The following TYK2 variants were observed in gnomAD, a reference collection of about 807,000 sequenced individuals.
TYK2 encodes the protein non-receptor tyrosine-protein kinase TYK2.
TYK2 carries 65 observed loss-of-function variants against 130.9 expected under a neutral mutation model. That is an observed-to-expected ratio of 0.50 (90% CI 0.41 to 0.61). The LOEUF (loss-of-function observed/expected upper bound fraction) is 0.61. Ranked by LOEUF, TYK2 falls within the 20% of genes least tolerant of loss-of-function variation. The pLI, the probability that TYK2 is intolerant of heterozygous loss-of-function variation, is 0.00. For missense variants in TYK2, 1,378 were observed against 1,610.7 expected (o/e 0.86, Z 2.47); for synonymous variants, 647 against 658.9 (o/e 0.98, Z 0.28).
chr19:10,354,373 C>T, intron 19 of TYK2, 139 bp from the exon 20 acceptor site: 1 of 1,328,750 alleles, frequency 7.5e-7, no homozygotes, highest in South Asian at 1.2e-5. Context: ...TATTAAGACT[C>T]CTTGGCACCT....
intron 3 of TYK2, among the ~76,000 whole-genome samples, chr19:10,377,169 T>A (rs891284341): frequency 6.6e-6 from 1 of 152,190 alleles, no homozygotes; most frequent in African/African-American, 2.4e-5. Context: ...CCTCCTCAAG[T>A]ACTGGGATTA....
rs139811127 is a variant in TYK2, at chr19:10,366,401, C to T, written c.629+16G>A. ...TCCCCCTGCCTACACAGCGTCCCCA[C>T]CCCATTCCCAGACACCTGGTCTTCT... On this transcript the variant is annotated intron_variant, in intron 6 of 24. Coordinates refer to ENST00000525621, the MANE Select transcript of TYK2 (RefSeq NM_003331.5). 9.9e-6 allele frequency: 16 copies of T among 1,611,482 alleles called. No individual in the cohort carries two copies. Among genetic ancestry groups the T allele is most frequent in the Non-Finnish European group, 1.2e-5 (14 of 1,177,904 alleles).
Position 10,365,700 on chromosome 19 carries a change from G to A in TYK2, c.828C>T (p.Pro276=), listed in dbSNP as rs1359328653. ...LAPRFGTERV[P]VCHLRLLAQA... is the part of the protein sequence containing the mutation. Reference sequence around the variant, plus strand: ...GGGCCAGCAGCCTCAGGTGGCACACGGGCACACGCTCTGTGCCGAAGCGGG... The same window carrying A: ...GGGCCAGCAGCCTCAGGTGGCACACAGGCACACGCTCTGTGCCGAAGCGGG... The change falls in exon 7 of 25, where the codon CCC becomes CCT. Residue 276 remains proline (P), a synonymous_variant. Coordinates refer to ENST00000525621, the MANE Select transcript of TYK2 (RefSeq NM_003331.5). The A allele has an allele frequency of 1.5e-5, 25 of 1,613,022 alleles. No homozygotes were observed. The highest frequency in any genetic ancestry group is 9.3e-5 in the African/African-American group (7 of 74,932).
intron 3 of TYK2, chr19:10,369,644 C>T (rs942864819): frequency 2.5e-5 from 11 of 433,740 alleles, no homozygotes; most frequent in Middle Eastern, 7.4e-4. Flanking sequence ...GGGCTCCATC[C>T]ACCACCTTCA....
intron 3 of TYK2, chr19:10,368,657 T>C: frequency 1.9e-6 from 1 of 521,150 alleles, no homozygotes. Context: ...ATTGCACTGC[T>C]GGTTTCTGGC....
chr19:10,353,125 T>G lies in TYK2; in HGVS notation c.3028-27A>C. The G allele has an allele frequency of 6.8e-7, 1 of 1,471,546 alleles. No homozygotes were observed. The highest frequency in any genetic ancestry group is 9.0e-7 in the Non-Finnish European group (1 of 1,107,276). 91.2% of individuals were successfully genotyped at this position (1,471,546 alleles called of 1,614,324 possible). A position where few individuals can be genotyped will look rare whatever the true frequency, so the allele number is the denominator to read the frequency against. On this transcript the variant is annotated intron_variant, in intron 21 of 24. Transcript: ENST00000525621. This position sits in a 1 kb window ranked among gnomAD's most constrained non-coding sequence, Gnocchi z 6.9. ...TGGGGACGGGGCAGGGCTCGTGAGT[T>G]TCAGTGGGGCGGGGTTCGGCCGGGG...
Position 10,353,493 on chromosome 19 carries a change from G to T in TYK2, c.3027+35C>A. On this transcript the variant is annotated intron_variant, in intron 21 of 24. Coordinates refer to ENST00000525621, the MANE Select transcript of TYK2 (RefSeq NM_003331.5). The surrounding 1 kb of genome is among the most constrained non-coding windows in gnomAD (Gnocchi z 6.9). ...GGCCAGCCCAAGCTGAAGAGGAAGG[G>T]GCAAGCTCCAGAAGCAGGGGCGGGG... is the stretch of plus-strand genomic sequence containing the variant. The T allele has an allele frequency of 7.0e-7, 1 of 1,433,716 alleles. No individual in the cohort carries two copies. Among genetic ancestry groups the T allele is most frequent in the Non-Finnish European group, 9.3e-7 (1 of 1,072,746 alleles). The allele number at this position is 1,433,716 out of a possible 1,614,324, so 88.8% of individuals were successfully genotyped here. A position where few individuals can be genotyped will look rare whatever the true frequency, so the allele number is the denominator to read the frequency against.
At chr19:10,367,263 C>T (rs1254983752) in intron 5 of TYK2, among the ~76,000 whole-genome samples, 2 of 152,068 alleles carry the variant, frequency 1.3e-5, no homozygotes, top group Non-Finnish European at 2.9e-5. Flanking sequence ...ACAGCATACA[C>T]CCCTCCTCTT....
At chr19:10,379,192 G>A (rs1044907983) in intron 2 of TYK2, among the ~76,000 whole-genome samples, 2 of 151,848 alleles carry the variant, frequency 1.3e-5, no homozygotes, top group Non-Finnish European at 2.9e-5. Context: ...AGCCAGGCGT[G>A]GGGGTGCACA....
intron 17 of TYK2, chr19:10,357,384 C>T (rs954327173): frequency 7.9e-6 from 5 of 633,080 alleles, no homozygotes; most frequent in African/African-American, 3.6e-5. Context: ...AGTGGAACTT[C>T]GTCTCAAAAT....
In TYK2 at chr19:10,356,579, A is replaced by T; in HGVS notation, c.2606T>A (p.Leu869Gln). The change falls in exon 18 of 25, where the codon CTG becomes CAG. Residue 869 changes from leucine (L) to glutamine (Q), a missense_variant. Physicochemically the swap from Leu to Gln is moderately radical, Grantham distance 113 (BLOSUM62 -2). Coordinates refer to ENST00000525621, the MANE Select transcript of TYK2 (RefSeq NM_003331.5). ...FRTILRDLTRLQPHNLADVLT... is the reference protein window; with the variant it reads ...FRTILRDLTRQQPHNLADVLT... ...GGGATGGAGCTCACTGTGGGGCTGC[A>T]GCCGGGTGAGGTCACGCAGGATGGT... 1 of 1,613,314 alleles carries T rather than the reference A, an allele frequency of 6.2e-7. No homozygotes were observed. The highest frequency in any genetic ancestry group is 8.5e-7 in the Non-Finnish European group (1 of 1,179,986).
chr19:10,359,705 C>G (rs981538912), intron 14 of TYK2, among the ~76,000 whole-genome samples: 1 of 151,532 alleles, frequency 6.6e-6, no homozygotes, highest in Non-Finnish European at 1.5e-5. Flanking sequence ...TACAGCCGGG[C>G]GCGGTGGCTC....
rs753449931 is a variant in TYK2, at chr19:10,365,684, G to C, written c.844C>G (p.Leu282Val). Residue 282 changes from leucine to valine, a missense_variant, in exon 7 of 25, where the codon CTG (leucine) becomes GTG (valine). Coordinates refer to ENST00000525621, the MANE Select transcript of TYK2 (RefSeq NM_003331.5). ...GGCTCCCCCTCGGCCTGGGCCAGCAGCCTCAGGTGGCACACGGGCACACGC... is the reference window on the plus strand; with the variant it reads ...GGCTCCCCCTCGGCCTGGGCCAGCACCCTCAGGTGGCACACGGGCACACGC... ...TERVPVCHLR[L>V]LAQAEGEPCY... The C allele has an allele frequency of 6.2e-7, 1 of 1,613,224 alleles. No individual in the cohort carries two copies. Among genetic ancestry groups the C allele is most frequent in the Admixed American group, 1.7e-5 (1 of 59,966 alleles).
intron 2 of TYK2, among the ~76,000 whole-genome samples, chr19:10,378,840 ATCT>A: frequency 3.1e-5 from 1 of 32,446 alleles, no homozygotes; most frequent in East Asian, 9.8e-4. Flanking sequence ...TTTATATCTT[ATCT>A]TATCTTATCT....
At chr19:10,368,560 G>A (rs1323228714) in intron 3 of TYK2, 142 bp from the exon 4 acceptor site, 2 of 1,252,420 alleles carry the variant, frequency 1.6e-6, no homozygotes, top group African/African-American at 1.5e-5. Context: ...GTTGCCCCTG[G>A]GCAGAGGACA....
intron 3 of TYK2, chr19:10,368,765 T>G (rs1165597128): frequency 2.9e-6 from 1 of 346,116 alleles, no homozygotes; most frequent in Non-Finnish European, 5.6e-6. Flanking sequence ...ATGGTGAAGC[T>G]GTAAGACAGA....
Position 10,356,555 on chromosome 19 carries a change from G to A in TYK2, c.2617+13C>T, listed in dbSNP as rs770667639. 5.6e-6 allele frequency: 9 copies of A among 1,612,404 alleles called. No homozygotes were observed. The Admixed American group carries it at 1.0e-4, about 18-fold the overall frequency. ...CCACTTCCCCAGGGTCCCAGCACTG[G>A]GATGGAGCTCACTGTGGGGCTGCAG... On this transcript the variant is annotated intron_variant, in intron 18 of 24. Transcript: ENST00000525621.
At chr19:10,362,746 G>A in intron 9 of TYK2, 89 bp from the exon 10 acceptor site, 1 of 1,117,622 alleles carries the variant, frequency 8.9e-7, no homozygotes, top group South Asian at 1.3e-5. Context: ...CCTACTTAGA[G>A]GGCACACACA....
At chr19:10,352,830 G>T in intron 22 of TYK2, 96 bp downstream of exon 22, 1 of 1,444,722 alleles carries the variant, frequency 6.9e-7, no homozygotes, top group South Asian at 1.3e-5. Context: ...GCTTCACTGG[G>T]ATCATGCCCT....
Sources: allele counts gnomAD v4.1 joint callset (sites outside exome capture counted in the v4.1 genomes callset), GRCh38; gene constraint gnomAD v4.1.1; non-coding constraint Gnocchi (gnomAD v3.1); transcripts MANE v1.5; gene names NCBI Gene and HGNC (gene_info 2026-07-23, HGNC 2026-07-21).